AFG2A: variants seen among roughly 807,000 people sequenced by gnomAD.
AFG2A encodes the protein AAA ATPase AFG2A, also known as ATPase family gene 2 protein homolog A.
At chr4:123,055,930 T>C in the AFG2A span, among the ~76,000 whole-genome samples, 5 of 152,232 alleles carry the variant, frequency 3.3e-5, no homozygotes, top group African/African-American at 4.8e-5. Context: ...CTGTGTTTCT[T>C]ACAATATTTG....
At chr4:123,319,211 A>G in the AFG2A span, 1 of 152,226 alleles carries the variant, frequency 6.6e-6, no homozygotes, top group Non-Finnish European at 1.5e-5. Context: ...CCAAACTTGA[A>G]CATATGTTTA....
chr4:123,016,832 ATT>A, the AFG2A span, among the ~76,000 whole-genome samples: 1 of 152,192 alleles, frequency 6.6e-6, no homozygotes, highest in Non-Finnish European at 1.5e-5. Context: ...CCTGGGCACC[ATT>A]GAGCACTGAG....
At chr4:123,002,679 T>C in the AFG2A span, among the ~76,000 whole-genome samples, 2 of 152,228 alleles carry the variant, frequency 1.3e-5, no homozygotes, top group Non-Finnish European at 2.9e-5. Context: ...GATCCGCTGT[T>C]AGTCTGATGG....
chr4:122,952,682 C>A, the AFG2A span, among the ~76,000 whole-genome samples: 4 of 152,180 alleles, frequency 2.6e-5, no homozygotes, highest in African/African-American at 9.7e-5. Flanking sequence ...AGCACGATAT[C>A]ATCACTGTAA....
At chr4:123,114,375 C>T in the AFG2A span, among the ~76,000 whole-genome samples, 2 of 152,174 alleles carry the variant, frequency 1.3e-5, no homozygotes, top group African/African-American at 4.8e-5. Flanking sequence ...TGCTGCTGCC[C>T]ATCACACCCA....
chr4:122,955,017 C>T, the AFG2A span, among the ~76,000 whole-genome samples: 1 of 152,076 alleles, frequency 6.6e-6, no homozygotes, highest in Non-Finnish European at 1.5e-5. Context: ...TTTTTCTCCA[C>T]CTTCCTGCTG....
chr4:123,031,244 C>T, the AFG2A span, among the ~76,000 whole-genome samples: 28 of 152,156 alleles, frequency 1.8e-4, no homozygotes, highest in Non-Finnish European at 2.9e-5. Flanking sequence ...TCCCACCTCC[C>T]AGGTTCAAGA....
At chr4:123,186,487 G>A in the AFG2A span, among the ~76,000 whole-genome samples, 938 of 152,274 alleles carry the variant, frequency 6.2e-3, 11 homozygotes, top group African/African-American at 0.021. Context: ...TTGGTGACAT[G>A]TTGAAGCTGA....
chr4:123,003,745 G>A, the AFG2A span, among the ~76,000 whole-genome samples: 3 of 152,086 alleles, frequency 2.0e-5, no homozygotes, highest in Admixed American at 1.3e-4. Flanking sequence ...TGGGGTGCTC[G>A]GTGGTCAGGG....
chr4:123,204,106 A>G, the AFG2A span, among the ~76,000 whole-genome samples: 1 of 152,164 alleles, frequency 6.6e-6, no homozygotes, highest in South Asian at 2.1e-4. Flanking sequence ...ATTCTTGTGT[A>G]ATGTTACATA....
the AFG2A span, among the ~76,000 whole-genome samples, chr4:123,204,187 A>G: frequency 6.6e-6 from 1 of 152,182 alleles, no homozygotes; most frequent in Non-Finnish European, 1.5e-5. Flanking sequence ...TCTCTTTGCT[A>G]TGTAAAGTAA....
the AFG2A span, among the ~76,000 whole-genome samples, chr4:122,956,996 T>TTAGAC: frequency 2.6e-5 from 4 of 152,230 alleles, no homozygotes; most frequent in Non-Finnish European, 4.4e-5. Flanking sequence ...AGACAGGTTC[T>TTAGAC]ATGCCTTATC....
chr4:123,263,319 G>A, the AFG2A span, among the ~76,000 whole-genome samples: 1 of 152,086 alleles, frequency 6.6e-6, no homozygotes, highest in Non-Finnish European at 1.5e-5. Flanking sequence ...CAACATTTCA[G>A]CCCCTATTTG....
At chr4:123,172,409 A>T in the AFG2A span, among the ~76,000 whole-genome samples, 1 of 152,344 alleles carries the variant, frequency 6.6e-6, no homozygotes, top group Non-Finnish European at 1.5e-5. Flanking sequence ...AGGCTTCATT[A>T]GTCTTAATTA....
chr4:122,988,599 T>C, the AFG2A span, among the ~76,000 whole-genome samples: 1 of 151,912 alleles, frequency 6.6e-6, no homozygotes, highest in Non-Finnish European at 1.5e-5. Context: ...GAGTTTCATA[T>C]GTGGCCAGGA....
At chr4:123,218,934 C>T in the AFG2A span, among the ~76,000 whole-genome samples, 1 of 152,130 alleles carries the variant, frequency 6.6e-6, no homozygotes, top group Non-Finnish European at 1.5e-5. Flanking sequence ...GAATTAACCA[C>T]TGTATTAAAG....
chr4:123,136,852 A>G, the AFG2A span, among the ~76,000 whole-genome samples: 16 of 152,098 alleles, frequency 1.1e-4, no homozygotes, highest in East Asian at 2.5e-3. Context: ...CAAAAAAAAA[A>G]AAAAAGAAAA....
the AFG2A span, among the ~76,000 whole-genome samples, chr4:123,173,350 T>G: frequency 8.3e-4 from 96 of 115,704 alleles, no homozygotes; most frequent in African/African-American, 2.6e-3. Context: ...GTTTTTTTTT[T>G]TTTTTTTTTT....
At chr4:123,090,649 C>G in the AFG2A span, 4 of 1,614,090 alleles carry the variant, frequency 2.5e-6, no homozygotes, top group Admixed American at 1.7e-5. Context: ...TGGGATTGAA[C>G]AGCTAAAGGA....
Sources: allele counts gnomAD v4.1 joint callset (sites outside exome capture counted in the v4.1 genomes callset), GRCh38; gene constraint gnomAD v4.1.1; transcripts MANE v1.5; gene names NCBI Gene and HGNC (gene_info 2026-07-23, HGNC 2026-07-21).